The following TBC1D19 variants were observed in gnomAD, a reference collection of about 807,000 sequenced individuals.
TBC1D19 encodes the protein TBC1 domain family, member 19.
A neutral mutation model predicts 89.0 loss-of-function variants in TBC1D19; 60 were observed. The ratio of observed to expected loss-of-function variants is 0.67; its 90% CI spans 0.55 to 0.84. TBC1D19 has a LOEUF of 0.84. TBC1D19 is among the 40% of genes least tolerant of loss of function. The pLI, the probability that TBC1D19 is intolerant of heterozygous loss-of-function variation, is 0.00. For synonymous variants in TBC1D19, 189 were observed against 199.7 expected (o/e 0.95, Z 0.45); for missense variants, 500 against 610.8 (o/e 0.82, Z 1.91).
chr4:26,594,032 C>T (rs1195922587), intron 1 of TBC1D19, among the ~76,000 whole-genome samples: 1 of 152,184 alleles, frequency 6.6e-6, no homozygotes, highest in Non-Finnish European at 1.5e-5. Flanking sequence ...TATAAAGACA[C>T]ATGCACACGT....
the TBC1D19 span, among the ~76,000 whole-genome samples, chr4:26,804,656 G>A: frequency 1.3e-5 from 2 of 152,118 alleles, no homozygotes; most frequent in African/African-American, 4.8e-5. Context: ...CGCAGCGCAG[G>A]CCCGGCGGGC....
intron 1 of TBC1D19, among the ~76,000 whole-genome samples, chr4:26,602,999 T>G (rs957303266): frequency 8.5e-5 from 13 of 152,232 alleles, no homozygotes; most frequent in African/African-American, 3.1e-4. Context: ...CTTTTTTCTT[T>G]TTTTAAATCA....
chr4:26,687,195 C>A (rs1211955652), intron 12 of TBC1D19, among the ~76,000 whole-genome samples: 1 of 152,032 alleles, frequency 6.6e-6, no homozygotes, highest in Non-Finnish European at 1.5e-5. Context: ...AATAGATGAA[C>A]ACTATTATAA....
At chr4:26,679,564 C>G (rs1366632171) in intron 11 of TBC1D19, among the ~76,000 whole-genome samples, 1 of 152,164 alleles carries the variant, frequency 6.6e-6, no homozygotes, top group African/African-American at 2.4e-5. Context: ...GTTGGAGCCC[C>G]CACACAGAGT....
At chr4:26,714,870 A>G (rs1313260344) in intron 13 of TBC1D19, among the ~76,000 whole-genome samples, 1 of 151,976 alleles carries the variant, frequency 6.6e-6, no homozygotes, top group Non-Finnish European at 1.5e-5. Flanking sequence ...AACTTGCAGC[A>G]CTCACAGAGC....
chr4:26,724,431 G>T (rs1027366073), intron 15 of TBC1D19, among the ~76,000 whole-genome samples: 1 of 152,074 alleles, frequency 6.6e-6, no homozygotes, highest in African/African-American at 2.4e-5. Context: ...CCCTCCCCAA[G>T]AATTCATTGT....
the TBC1D19 span, among the ~76,000 whole-genome samples, chr4:26,773,139 G>A: frequency 6.6e-6 from 1 of 151,962 alleles, no homozygotes; most frequent in African/African-American, 2.4e-5. Context: ...TGCTTTTGAC[G>A]TTTTAATAGT....
intron 4 of TBC1D19, among the ~76,000 whole-genome samples, chr4:26,622,645 G>A (rs1742132448): frequency 1.3e-5 from 2 of 152,076 alleles, no homozygotes; most frequent in African/African-American, 4.8e-5. Flanking sequence ...ACATTTTTAA[G>A]TGGTTGAAAA....
chr4:26,606,518 T>A (rs1404805830), intron 1 of TBC1D19, among the ~76,000 whole-genome samples: 2 of 152,156 alleles, frequency 1.3e-5, no homozygotes, highest in East Asian at 3.9e-4. Flanking sequence ...TGATGGTGAA[T>A]CTTAAGGAGA....
the TBC1D19 span, among the ~76,000 whole-genome samples, chr4:26,776,076 A>G: frequency 2.3e-4 from 35 of 152,126 alleles, no homozygotes; most frequent in Admixed American, 4.6e-4. Context: ...TATCTTATAC[A>G]CTTTCTACCC....
the TBC1D19 span, among the ~76,000 whole-genome samples, chr4:26,824,871 A>G: frequency 6.6e-6 from 1 of 152,176 alleles, no homozygotes; most frequent in Non-Finnish European, 1.5e-5. Context: ...ATTCCTTTGT[A>G]TAGAATAAAC....
At chr4:26,648,591 A>G (rs1744119349) in intron 7 of TBC1D19, among the ~76,000 whole-genome samples, 1 of 152,250 alleles carries the variant, frequency 6.6e-6, no homozygotes, top group African/African-American at 2.4e-5. Flanking sequence ...GAATGAATAA[A>G]TGAATCAATG....
the TBC1D19 span, among the ~76,000 whole-genome samples, chr4:26,779,172 C>T: frequency 7.5e-4 from 114 of 152,312 alleles, 2 homozygotes; most frequent in East Asian, 0.019. Context: ...GTAGTTTCTG[C>T]TGCTCCTAAA....
chr4:26,659,713 T>C lies in TBC1D19; in HGVS notation c.591+6T>C. ...TAAAAGACATCCCTGAATTGGTAAG[T>C]ATAGAAACTTAAAAATAAACATCAT... On this transcript the variant is annotated splice_donor_region_variant and intron_variant, in intron 8 of 20. Coordinates refer to ENST00000264866, the MANE Select transcript of TBC1D19 (RefSeq NM_018317.4). The C allele has an allele frequency of 6.6e-7, 1 of 1,521,576 alleles. No homozygotes were observed. Among genetic ancestry groups the C allele is most frequent in the Non-Finnish European group, 9.0e-7 (1 of 1,113,552 alleles). The allele number at this position is 1,521,576 out of a possible 1,614,324, so 94.3% of individuals were successfully genotyped here.
At chr4:26,842,639 T>TCTTG in the TBC1D19 span, among the ~76,000 whole-genome samples, 1 of 147,328 alleles carries the variant, frequency 6.8e-6, no homozygotes, top group Admixed American at 6.9e-5. Context: ...TTTCTTTCTT[T>TCTTG]CTTTCTTTTT....
chr4:26,844,559 G>C, the TBC1D19 span, among the ~76,000 whole-genome samples: 3 of 152,130 alleles, frequency 2.0e-5, 1 homozygote, highest in Non-Finnish European at 2.9e-5. Flanking sequence ...CTGGACATTT[G>C]TATTAGTGAC....
At chr4:26,621,005 A>T (rs1742014545) in intron 4 of TBC1D19, among the ~76,000 whole-genome samples, 1 of 152,174 alleles carries the variant, frequency 6.6e-6, no homozygotes, top group South Asian at 2.1e-4. Flanking sequence ...TATTAAAGGA[A>T]TGAAATGTGA....
In TBC1D19 at chr4:26,588,929, T is replaced by A. The variant is rs923129004; in HGVS notation, c.99+4637T>A. Among the ~76,000 whole-genome samples the A allele has an allele frequency of 5.3e-5, 8 of 152,156 alleles. No homozygotes were observed. The South Asian group carries it at 1.5e-3, about 28-fold the overall frequency. Reference sequence around the variant, plus strand: ...TATATCCTTACTGAGTGTAGGGGCTTCAGTCAATATAGACAAGGATCAAGC... The same window carrying A: ...TATATCCTTACTGAGTGTAGGGGCTACAGTCAATATAGACAAGGATCAAGC... On this transcript the variant is annotated intron_variant, in intron 1 of 20. Coordinates refer to ENST00000264866, the MANE Select transcript of TBC1D19 (RefSeq NM_018317.4).
chr4:26,818,832 T>G, the TBC1D19 span, among the ~76,000 whole-genome samples: 1 of 152,220 alleles, frequency 6.6e-6, no homozygotes, highest in Admixed American at 6.5e-5. Flanking sequence ...GTCACCTTAG[T>G]TGCCCAGGTA....
Sources: allele counts gnomAD v4.1 joint callset (sites outside exome capture counted in the v4.1 genomes callset), GRCh38; gene constraint gnomAD v4.1.1; transcripts MANE v1.5; gene names NCBI Gene and HGNC (gene_info 2026-07-23, HGNC 2026-07-21).